TRAF3: variants seen among roughly 807,000 people sequenced by gnomAD.
The protein encoded by TRAF3 is TNF receptor-associated factor 3.
Under a neutral mutation model 62.3 loss-of-function variants are expected in TRAF3, and 13 were observed. The ratio of observed to expected loss-of-function variants is 0.21; its 90% CI spans 0.14 to 0.33. The LOEUF (loss-of-function observed/expected upper bound fraction) is 0.33. Ranked by LOEUF, TRAF3 falls within the 10% of genes least tolerant of loss-of-function variation. The probability of loss-of-function intolerance (pLI) is 1.00; values close to 1 mark genes in which losing one functional copy is unlikely to be tolerated. For synonymous variants in TRAF3, 269 were observed against 283.4 expected (o/e 0.95, Z 0.51); for missense variants, 440 against 741.8 (o/e 0.59, Z 4.73).
At chr14:102,862,132 A>T (rs751212642) in intron 2 of TRAF3, among the ~76,000 whole-genome samples, 2 of 152,230 alleles carry the variant, frequency 1.3e-5, no homozygotes, top group African/African-American at 4.8e-5. Flanking sequence ...TGCCAAATTC[A>T]GGGTCATTAA....
At position 102,839,210 on chromosome 14, in the gene TRAF3, C is replaced by CCTTTTTTT. The variant is rs1310697452; in HGVS notation, c.-18+8738_-18+8739insCTTTTTTT. On this transcript the variant is annotated intron_variant, in intron 2 of 11. Transcript: ENST00000392745. ...GAGAGATGCTTATTGGTTGATTTGC[C>CCTTTTTTT]TTTTTTTTTTTTTTTTTTTTTTTTT... Among the ~76,000 whole-genome samples the CCTTTTTTT allele has an allele frequency of 1.1e-4, 10 of 89,836 alleles. 1 individual carries two copies. The highest frequency in any genetic ancestry group is 3.5e-4 in the African/African-American group (8 of 22,590). 58.9% of individuals were successfully genotyped at this position (89,836 alleles called of 152,430 possible).
chr14:102,787,519 CAAAAAAA>C lies in TRAF3; in HGVS notation c.-157+9856_-157+9862del, dbSNP rs775633084. 4.4e-5 allele frequency among the ~76,000 whole-genome samples: 5 copies of C among 112,852 alleles called. No homozygotes were observed. The Admixed American group carries it at 4.5e-4, about 10-fold the overall frequency. The allele number at this position is 112,852 out of a possible 152,430, so 74.0% of individuals were successfully genotyped here. A position where few individuals can be genotyped will look rare whatever the true frequency, so the allele number is the denominator to read the frequency against. The stretch of plus-strand genomic sequence containing the variant: ...TGGTAAAACCCCATCTCTACTAAAC[CAAAAAAA>C]AAAAAAAAAAATTAGCTGGGTGTGG... On this transcript the variant is annotated intron_variant, in intron 1 of 11. Transcript: ENST00000392745.
At chr14:102,828,934 T>TA (rs1166644032) in intron 1 of TRAF3, among the ~76,000 whole-genome samples, 1 of 152,228 alleles carries the variant, frequency 6.6e-6, no homozygotes, top group Non-Finnish European at 1.5e-5. Context: ...CTTTTCGTCT[T>TA]AAAAAATCTC....
At chr14:102,814,332 T>C (rs1399844213) in intron 1 of TRAF3, among the ~76,000 whole-genome samples, 1 of 152,230 alleles carries the variant, frequency 6.6e-6, no homozygotes, top group Non-Finnish European at 1.5e-5. Flanking sequence ...GTCGTTTTGC[T>C]TACTACAGCT....
intron 2 of TRAF3, among the ~76,000 whole-genome samples, chr14:102,846,485 C>G (rs1014704426): frequency 6.6e-6 from 1 of 151,754 alleles, no homozygotes; most frequent in African/African-American, 2.4e-5. Context: ...GGTGATAAAT[C>G]TCTAAAGAAA....
At chr14:102,889,486 A>G in intron 7 of TRAF3, 74 bp from the exon 8 acceptor site, 2 of 1,446,364 alleles carry the variant, frequency 1.4e-6, no homozygotes, top group Non-Finnish European at 9.7e-7. Context: ...CTCAGATGCT[A>G]TCTGTGCCCT....
At chr14:102,847,808 G>A (rs555001996) in intron 2 of TRAF3, among the ~76,000 whole-genome samples, 1 of 152,276 alleles carries the variant, frequency 6.6e-6, no homozygotes, top group Non-Finnish European at 1.5e-5. Flanking sequence ...TTCTTCAGCA[G>A]ATGTATTTGA....
intron 4 of TRAF3, among the ~76,000 whole-genome samples, chr14:102,872,435 G>A (rs979230492): frequency 6.6e-6 from 1 of 152,148 alleles, no homozygotes; most frequent in Non-Finnish European, 1.5e-5. Flanking sequence ...TGCCCCCCAG[G>A]CCCCCTGTGA....
At chr14:102,879,590 G>A (rs1888925233) in intron 6 of TRAF3, among the ~76,000 whole-genome samples, 1 of 151,658 alleles carries the variant, frequency 6.6e-6, no homozygotes, top group Admixed American at 6.6e-5. Context: ...TTTAGGGAGA[G>A]TTTCTTTTGC....
chr14:102,862,949 T>G (rs1887766967), intron 2 of TRAF3, among the ~76,000 whole-genome samples: 1 of 152,174 alleles, frequency 6.6e-6, no homozygotes, highest in Non-Finnish European at 1.5e-5. Flanking sequence ...TTTTGTTTGG[T>G]TCTTTTTTTA....
In TRAF3 at chr14:102,903,274, C is replaced by A; in HGVS notation, c.980C>A (p.Ala327Glu). 1 of 1,614,194 alleles carries A rather than the reference C, an allele frequency of 6.2e-7. No individual in the cohort carries two copies. The highest frequency in any genetic ancestry group is 8.5e-7 in the Non-Finnish European group (1 of 1,180,030). Reference protein sequence around the residue: ...LHLQRVIDSQAEKLKELDKEI... With the variant: ...LHLQRVIDSQEEKLKELDKEI... ...TGGAAGCGAGTGATAGACAGCCAAG[C>A]AGAGAAACTGAAGGAGCTTGACAAG... is the stretch of plus-strand genomic sequence containing the variant. The change falls in exon 11 of 12, where the codon GCA (alanine) becomes GAA (glutamate). Residue 327 changes from alanine to glutamate, a missense_variant. Coordinates refer to ENST00000392745, the MANE Select transcript of TRAF3 (RefSeq NM_145725.3). The surrounding 1 kb of genome is among the most constrained non-coding windows in gnomAD (Gnocchi z 6.4).
intron 1 of TRAF3, among the ~76,000 whole-genome samples, chr14:102,803,719 T>C (rs370179160): frequency 1.3e-5 from 2 of 152,200 alleles, no homozygotes; most frequent in African/African-American, 2.4e-5. Context: ...GAATATCTTG[T>C]TGGGGCTGGG....
chr14:102,786,176 T>G (rs1334940604), intron 1 of TRAF3, among the ~76,000 whole-genome samples: 3 of 152,226 alleles, frequency 2.0e-5, no homozygotes, highest in African/African-American at 7.2e-5. Flanking sequence ...TCTTCCTTTC[T>G]AAGCCTCAGT....
chr14:102,785,933 G>A (rs11160699), intron 1 of TRAF3, among the ~76,000 whole-genome samples: 29,394 of 152,120 alleles, frequency 0.19, 3,142 homozygotes, highest in East Asian at 0.38. Context: ...TGGAGGTGGT[G>A]GCGTGAGAGC....
chr14:102,806,236 C>G (rs752325145), intron 1 of TRAF3, among the ~76,000 whole-genome samples: 3 of 152,128 alleles, frequency 2.0e-5, no homozygotes, highest in Non-Finnish European at 4.4e-5. Flanking sequence ...TGTTCATTCA[C>G]CATACTCTTC....
intron 11 of TRAF3, 51 bp from the exon 12 acceptor site, chr14:102,905,162 C>G (rs545481923): frequency 6.4e-7 from 1 of 1,559,514 alleles, no homozygotes. Context: ...CTTTCCTAAC[C>G]TCTCTGACGT....
intron 2 of TRAF3, among the ~76,000 whole-genome samples, chr14:102,832,679 A>C (rs1394313671): frequency 1.3e-5 from 2 of 152,138 alleles, no homozygotes; most frequent in African/African-American, 4.8e-5. Flanking sequence ...CCTCCCACCA[A>C]AAAATATATA....
intron 6 of TRAF3, chr14:102,876,787 T>G (rs1471141327): frequency 2.1e-6 from 1 of 480,608 alleles, no homozygotes; most frequent in Non-Finnish European, 3.8e-6. Context: ...TCACAGATAA[T>G]CCGTTCCACA....
At chr14:102,886,717 C>T (rs944466822) in intron 7 of TRAF3, among the ~76,000 whole-genome samples, 1 of 152,158 alleles carries the variant, frequency 6.6e-6, no homozygotes, top group African/African-American at 2.4e-5. Flanking sequence ...GATCACACCA[C>T]TGCACTCCAG....
Sources: gnomAD v4.1 joint callset for allele counts (sites outside exome capture counted in the v4.1 genomes callset) on GRCh38, gnomAD v4.1.1 for gene constraint, Gnocchi (gnomAD v3.1) non-coding constraint, MANE v1.5 for transcripts, NCBI Gene and HGNC (gene_info 2026-07-23, HGNC 2026-07-21) for gene names.